Variants in PAX4 observed in about 807,000 individuals in gnomAD.
PAX4 encodes paired box 4.
Under a neutral mutation model 40.6 loss-of-function variants are expected in PAX4, and 33 were observed. The observed-to-expected ratio is 0.81, with a 90% confidence interval of 0.62 to 1.09. The LOEUF is 1.09. Among genes scored for constraint, PAX4 ranks in the 50% least tolerant of loss-of-function variants. The probability of loss-of-function intolerance (pLI) is 0.00; values close to 1 mark genes in which losing one functional copy is unlikely to be tolerated. For synonymous variants in PAX4, 174 were observed against 170.6 expected, an observed-to-expected ratio of 1.02 and a Z score of -0.16; for missense variants, 459 against 442.5, an observed-to-expected ratio of 1.04 and a Z score of -0.33.
intron 10 of PAX4, 63 bp from the exon 11 acceptor site, chr7:127,611,739 G>A: frequency 6.2e-7 from 1 of 1,602,444 alleles, no homozygotes; most frequent in Non-Finnish European, 8.5e-7. Context: ...GAGAACGCCG[G>A]GACCCCAGAG....
chr7:127,614,790 G>T (rs889654301), intron 5 of PAX4, 90 bp downstream of exon 5: 1 of 1,524,042 alleles, frequency 6.6e-7, no homozygotes. Flanking sequence ...CACCAGCTTG[G>T]GATGCCCACA....
chr7:127,614,077 T>C (rs1452050097), intron 6 of PAX4, among the ~76,000 whole-genome samples, 196 bp from the exon 7 acceptor site: 1 of 151,890 alleles, frequency 6.6e-6, no homozygotes, highest in East Asian at 1.9e-4. Context: ...CATGGTGGGG[T>C]GCATGCTTAA....
intron 4 of PAX4, 149 bp downstream of exon 4, chr7:127,615,252 C>T: frequency 6.3e-7 from 1 of 1,593,934 alleles, no homozygotes; most frequent in East Asian, 2.2e-5. Context: ...CTGAGGCTCC[C>T]CTTTTCAACC....
chr7:127,610,606 A>ATC lies in PAX4; in HGVS notation c.*457_*458insGA. 1 of 538,368 alleles carries ATC rather than the reference A, an allele frequency of 1.9e-6. No homozygotes were observed. The highest frequency in any genetic ancestry group is 1.9e-5 in the African/African-American group (1 of 52,418). The allele number at this position is 538,368 out of a possible 1,614,324, so 33.3% of individuals were successfully genotyped here. ...ATGCACGCATACATAATACACATAT[A>ATC]GATGCATACATAGAGTAGGTAAATT... On this transcript the variant is annotated 3_prime_UTR_variant, in exon 12 of 12. Coordinates refer to ENST00000639438, the MANE Select transcript of PAX4 (RefSeq NM_001366110.1).
At position 127,614,957 on chromosome 7, in the gene PAX4, A is replaced by G. The variant is rs1173835709; in HGVS notation, c.283T>C (p.Cys95Arg). The G allele has an allele frequency of 6.2e-7, 1 of 1,614,112 alleles. No homozygotes were observed. Among genetic ancestry groups the G allele is most frequent in the Non-Finnish European group, 8.5e-7 (1 of 1,180,026 alleles). Residue 95 changes from cysteine (C) to arginine (R), a missense_variant, in exon 5 of 12, where the codon TGT becomes CGT. By Grantham distance (180) the Cys-to-Arg change is radical. Transcript: ENST00000639438. ...VARIAQLKGE[C>R]PALFAWEIQR... ...ATTTCCCAGGCAAAGAGGGCTGGAC[A>G]CTCACCCTTCAGCTGGGCAATTCGA...
At chr7:127,612,228 A>G (rs1794639080) in intron 9 of PAX4, among the ~76,000 whole-genome samples, 1 of 152,252 alleles carries the variant, frequency 6.6e-6, no homozygotes, top group Non-Finnish European at 1.5e-5. Context: ...TACTGGGGAC[A>G]GTGCAGCCTT....
chr7:127,611,141 G>A lies in PAX4; in HGVS notation c.979C>T (p.His327Tyr), dbSNP rs748137480. Residue 327 changes from histidine to tyrosine, a missense_variant, in exon 12 of 12, where the codon CAC (histidine) becomes TAC (tyrosine). Physicochemically the swap from His to Tyr is moderately conservative, Grantham distance 83. Coordinates refer to ENST00000639438, the MANE Select transcript of PAX4 (RefSeq NM_001366110.1). Reference sequence around the variant, plus strand: ...CCACTAAGACTGGCCAGGTGACAGTGGGAGGAAGGGCAAGGAAGGCAAAGC... The same window carrying A: ...CCACTAAGACTGGCCAGGTGACAGTAGGAGGAAGGGCAAGGAAGGCAAAGC... ...GLLCLPCPSS[H>Y]CHLASLSGSQ... 3 of 1,605,404 alleles carry A rather than the reference G, an allele frequency of 1.9e-6. No individual in the cohort carries two copies. The highest frequency in any genetic ancestry group is 1.7e-6 in the Non-Finnish European group (2 of 1,175,782).
In PAX4 at chr7:127,615,494, C is replaced by A; in HGVS notation, c.51G>T (p.Val17=). The A allele has an allele frequency of 6.2e-7, 1 of 1,614,208 alleles. No homozygotes were observed. The highest frequency in any genetic ancestry group is 8.5e-7 in the Non-Finnish European group (1 of 1,180,034). Residue 17 remains valine, a synonymous_variant, in exon 4 of 12, where the codon GTG becomes GTT. Coordinates refer to ENST00000639438, the MANE Select transcript of PAX4 (RefSeq NM_001366110.1). The stretch of plus-strand genomic sequence containing the variant: ...TATCCAGAGGCAGGGGCCGGCCATT[C>A]ACAAAGAGCCCCCCAAGCTGGTTCA... ...SSMNQLGGLF[V]NGRPLPLDTR...
At position 127,614,993 on chromosome 7, in the gene PAX4, G is replaced by T. The variant is rs778643442; in HGVS notation, c.247C>A (p.Pro83Thr). The T allele has an allele frequency of 3.1e-6, 5 of 1,614,170 alleles. No individual in the cohort carries two copies. The highest frequency in any genetic ancestry group is 2.2e-5 in the South Asian group (2 of 91,084). The stretch of plus-strand genomic sequence containing the variant: ...AGCTGGGCAATTCGAGCCACCACAG[G>T]GGGTGTAGCCAGCCGTGGCTTGCTT... ...GGSKPRLATP[P>T]VVARIAQLKG... Residue 83 changes from proline (P) to threonine (T), a missense_variant, in exon 5 of 12, where the codon CCT becomes ACT. Pro to Thr is a conservative substitution (Grantham distance 38). Transcript: ENST00000639438.
At chr7:127,615,155 C>T in intron 4 of PAX4, 60 bp from the exon 5 acceptor site, 1 of 1,612,984 alleles carries the variant, frequency 6.2e-7, no homozygotes, top group Non-Finnish European at 8.5e-7. Context: ...AGGAGAGTGT[C>T]CCTGGGACAG....
At chr7:127,615,803 T>G (rs953851444) in intron 3 of PAX4, 113 bp downstream of exon 3, 8 of 1,525,236 alleles carry the variant, frequency 5.2e-6, no homozygotes, top group Non-Finnish European at 7.0e-6. Context: ...TGGAAAAAGC[T>G]TCCCCAGAAC....
rs752481584 is a variant in PAX4 at position 127,615,503 on chromosome 7, C to T, written c.42G>A (p.Gly14=). 1 of 1,614,114 alleles carries T rather than the reference C, an allele frequency of 6.2e-7. No homozygotes were observed. Among genetic ancestry groups the T allele is most frequent in the Non-Finnish European group, 8.5e-7 (1 of 1,180,008 alleles). ...GCAGGGGCCGGCCATTCACAAAGAG[C>T]CCCCCAAGCTGGTTCATGCTGCTGA... ...DGISSMNQLG[G]LFVNGRPLPL... The change falls in exon 4 of 12, where the codon GGG becomes GGA. Residue 14 remains glycine (G), a synonymous_variant. Transcript: ENST00000639438.
chr7:127,610,935 C>G lies in PAX4; in HGVS notation c.*129G>C. On this transcript the variant is annotated 3_prime_UTR_variant, in exon 12 of 12. Coordinates refer to ENST00000639438, the MANE Select transcript of PAX4 (RefSeq NM_001366110.1). ...AGAGAGGCATCGAGGCAGGGCCAGGCAACGTCCACACAGGAGGGAGCAATC... is the reference window on the plus strand; with the variant it reads ...AGAGAGGCATCGAGGCAGGGCCAGGGAACGTCCACACAGGAGGGAGCAATC... The G allele has an allele frequency of 6.5e-7, 1 of 1,549,132 alleles. No individual in the cohort carries two copies. Among genetic ancestry groups the G allele is most frequent in the Non-Finnish European group, 8.7e-7 (1 of 1,147,020 alleles).
intron 11 of PAX4, 120 bp from the exon 12 acceptor site, chr7:127,611,326 T>A (rs942164674): frequency 7.7e-7 from 1 of 1,297,148 alleles, no homozygotes; most frequent in Non-Finnish European, 1.1e-6. Flanking sequence ...TGAATCCCAG[T>A]CTCACATCCT....
chr7:127,615,593 A>G lies in PAX4; in HGVS notation c.14-62T>C. The G allele has an allele frequency of 1.9e-6, 3 of 1,610,366 alleles. No individual in the cohort carries two copies. In the Admixed American group the frequency reaches 5.0e-5, roughly 27 times the overall value. ...CCCACTGCCCTGCCCGCCTGTGGAG[A>G]GGGTCACTCAGGCCCCTCCAGCCTG... On this transcript the variant is annotated intron_variant, in intron 3 of 11. Transcript: ENST00000639438.
At chr7:127,613,372 C>T in intron 8 of PAX4, 78 bp downstream of exon 8, 1 of 1,393,542 alleles carries the variant, frequency 7.2e-7, no homozygotes. Flanking sequence ...CCCCTCTCCA[C>T]CTCATTGGAA....
chr7:127,610,684 T>G lies in PAX4; in HGVS notation c.*380A>C. 1 of 608,612 alleles carries G rather than the reference T, an allele frequency of 1.6e-6. No homozygotes were observed. The allele number at this position is 608,612 out of a possible 1,614,324, so 37.7% of individuals were successfully genotyped here. A position where few individuals can be genotyped will look rare whatever the true frequency, so the allele number is the denominator to read the frequency against. The stretch of plus-strand genomic sequence containing the variant: ...TACATGTATTGCCTACATACATGCA[T>G]AGATTAGATGGTAGATACATAGATG... On this transcript the variant is annotated 3_prime_UTR_variant, in exon 12 of 12. Coordinates refer to ENST00000639438, the MANE Select transcript of PAX4 (RefSeq NM_001366110.1).
rs201466901 is a variant in PAX4, at chr7:127,611,500, A to G, written c.913+35T>C. 2.1e-4 allele frequency: 346 copies of G among 1,613,222 alleles called. 1 individual carries two copies. In the African/African-American group the frequency reaches 4.1e-3, roughly 19 times the overall value. On this transcript the variant is annotated intron_variant, in intron 11 of 11. Coordinates refer to ENST00000639438, the MANE Select transcript of PAX4 (RefSeq NM_001366110.1). ...GGTTGAGTCAGTCGACCCTCCCTAC[A>G]TCCTGCAGGACTGAGGCCTGGCCTG... is the stretch of plus-strand genomic sequence containing the variant.
rs553897058 is a variant in PAX4, at chr7:127,615,917, G to A, written c.12C>T (p.Asp4=). 1.9e-5 allele frequency: 29 copies of A among 1,536,058 alleles called. No individual in the cohort carries two copies. The highest frequency in any genetic ancestry group is 1.7e-4 in the Middle Eastern group (1 of 5,988). ...TCCCACTTCCCCCAGGCTCCTCACC[G>A]TCCTGATGCATGCTCCAGGCTGACC... is the stretch of plus-strand genomic sequence containing the variant. MHQ[D]GISSMNQLGG... is the part of the protein sequence containing the mutation. Residue 4 remains aspartate (D), a splice_region_variant and synonymous_variant, in exon 3 of 12, where the codon GAC becomes GAT. Coordinates refer to ENST00000639438, the MANE Select transcript of PAX4 (RefSeq NM_001366110.1).
Sources: allele counts gnomAD v4.1 joint callset (sites outside exome capture counted in the v4.1 genomes callset), GRCh38; gene constraint gnomAD v4.1.1; transcripts MANE v1.5; gene names NCBI Gene and HGNC (gene_info 2026-07-23, HGNC 2026-07-21).